The following SORBS2 variants were observed in gnomAD, a reference collection of about 807,000 sequenced individuals.
The protein encoded by SORBS2 is sorbin and SH3 domain-containing protein 2.
SORBS2 carries 46 observed loss-of-function variants against 97.7 expected under a neutral mutation model. The ratio of observed to expected loss-of-function variants is 0.47; its 90% CI spans 0.37 to 0.60. The LOEUF (loss-of-function observed/expected upper bound fraction) is 0.60, where lower values mean the gene tolerates loss of function less well. SORBS2 is among the 20% of genes least tolerant of loss of function. The probability of loss-of-function intolerance (pLI) is 0.00; values close to 1 mark genes in which losing one functional copy is unlikely to be tolerated. For synonymous variants in SORBS2, 476 were observed against 473.4 expected (o/e 1.01, Z -0.07); for missense variants, 1,316 against 1,282.3 (o/e 1.03, Z -0.40).
intron 1 of SORBS2, among the ~76,000 whole-genome samples, chr4:185,863,742 A>G (rs147507569): frequency 1.3e-5 from 2 of 152,330 alleles, no homozygotes; most frequent in East Asian, 1.9e-4. Context: ...TGTCACCTCC[A>G]AAGTGTGAAA....
intron 14 of SORBS2, among the ~76,000 whole-genome samples, chr4:185,588,816 T>C (rs1157568059): frequency 1.3e-5 from 2 of 152,148 alleles, no homozygotes; most frequent in Non-Finnish European, 2.9e-5. Flanking sequence ...GGTTTCACCA[T>C]GTTGACCAGG....
intron 12 of SORBS2, 144 bp from the exon 25 acceptor site, chr4:185,594,079 C>A: frequency 1.6e-6 from 1 of 614,548 alleles, no homozygotes; most frequent in South Asian, 2.1e-5. Context: ...CAAATAAAAG[C>A]TTTCTGCAGG....
At chr4:185,709,320 T>TTTATTTTTTTC in intron 2 of SORBS2, among the ~76,000 whole-genome samples, 1 of 141,042 alleles carries the variant, frequency 7.1e-6, no homozygotes, top group African/African-American at 2.6e-5. Context: ...TTTTTTTTTT[T>TTTATTTTTTTC]TTTTAGTAAA....
chr4:185,803,243 A>G (rs903073575), intron 1 of SORBS2, among the ~76,000 whole-genome samples: 10 of 152,202 alleles, frequency 6.6e-5, no homozygotes, highest in African/African-American at 1.7e-4. Flanking sequence ...TTAACAGAAC[A>G]TTCCCCAGGA....
rs1324551402 is a variant in SORBS2 at position 185,816,908 on chromosome 4, CT to C, written c.-337-41543del. Among the ~76,000 whole-genome samples, 6 of 152,296 alleles carry C rather than the reference CT, an allele frequency of 3.9e-5. No homozygotes were observed. In the East Asian group the frequency reaches 1.2e-3, roughly 29 times the overall value. On this transcript the variant is annotated intron_variant, in intron 1 of 20. Transcript: ENST00000284776. ...AGCCAAACCTATTAACACAAAAACA[CT>C]GTGTGTAGCCCATTAGTTGTTCCTA... is the stretch of plus-strand genomic sequence containing the variant.
chr4:185,789,705 A>G (rs2099071974), intron 1 of SORBS2, among the ~76,000 whole-genome samples: 1 of 152,078 alleles, frequency 6.6e-6, no homozygotes, highest in South Asian at 2.1e-4. Flanking sequence ...TTACAACAGA[A>G]TCATTCAAGA....
chr4:185,820,437 C>A (rs1034660853), intron 1 of SORBS2, among the ~76,000 whole-genome samples: 1 of 152,232 alleles, frequency 6.6e-6, no homozygotes, highest in African/African-American at 2.4e-5. Flanking sequence ...CCTCATTTAA[C>A]CTTTTCATAG....
chr4:185,688,634 T>C (rs567161232), intron 2 of SORBS2, among the ~76,000 whole-genome samples: 2 of 152,194 alleles, frequency 1.3e-5, no homozygotes, highest in African/African-American at 4.8e-5. Flanking sequence ...CATCTGTCTA[T>C]CTGTAGATAG....
At chr4:185,868,546 C>A (rs370887422) in intron 1 of SORBS2, among the ~76,000 whole-genome samples, 1 of 151,966 alleles carries the variant, frequency 6.6e-6, no homozygotes, top group Admixed American at 6.6e-5. Context: ...AGGGAAAAAA[C>A]GAAGACGACA....
intron 2 of SORBS2, among the ~76,000 whole-genome samples, chr4:185,759,077 C>G (rs1373338313): frequency 6.6e-6 from 1 of 152,194 alleles, no homozygotes; most frequent in African/African-American, 2.4e-5. Context: ...GCGCTCAGAA[C>G]AGTCCTTTGC....
intron 1 of SORBS2, chr4:185,811,079 A>G (rs1386575428): frequency 2.0e-5 from 3 of 152,140 alleles, no homozygotes; most frequent in African/African-American, 7.2e-5. Flanking sequence ...ACGGCTTCCA[A>G]TACCTACACT....
intron 1 of SORBS2, among the ~76,000 whole-genome samples, chr4:185,800,298 G>A (rs552166155): frequency 6.6e-6 from 1 of 152,254 alleles, no homozygotes; most frequent in African/African-American, 2.4e-5. Context: ...TCTCACCTGC[G>A]TCAGACTTTC....
chr4:185,687,806 G>A (rs2097998727), intron 2 of SORBS2, among the ~76,000 whole-genome samples: 1 of 152,192 alleles, frequency 6.6e-6, no homozygotes, highest in Non-Finnish European at 1.5e-5. Flanking sequence ...TGCTGGAACA[G>A]AATGATCTAT....
At chr4:185,885,129 C>T (rs1020720435) in intron 1 of SORBS2, among the ~76,000 whole-genome samples, 3 of 152,216 alleles carry the variant, frequency 2.0e-5, no homozygotes, top group African/African-American at 7.2e-5. Context: ...GTTACAGATA[C>T]TCATAAGCTC....
intron 1 of SORBS2, among the ~76,000 whole-genome samples, chr4:185,821,570 C>T (rs2099196822): frequency 6.6e-6 from 1 of 152,032 alleles, no homozygotes; most frequent in East Asian, 1.9e-4. Context: ...ATTACAGGTG[C>T]CCGCCACCAC....
At chr4:185,948,078 T>C (rs772071184) in intron 1 of SORBS2, among the ~76,000 whole-genome samples, 10 of 152,206 alleles carry the variant, frequency 6.6e-5, no homozygotes, top group Admixed American at 1.3e-4. Context: ...TCTAGGCTAC[T>C]CTGGCTCGTT....
At chr4:185,653,292 T>C (rs890925380) in intron 1 of SORBS2, among the ~76,000 whole-genome samples, 4 of 152,338 alleles carry the variant, frequency 2.6e-5, no homozygotes, top group East Asian at 1.9e-4. Context: ...AATGTAGATA[T>C]TGCTTCAAAA....
chr4:185,774,563 C>T (rs1404885413), intron 2 of SORBS2: 3 of 152,168 alleles, frequency 2.0e-5, no homozygotes, highest in Non-Finnish European at 4.4e-5. Context: ...GCCACAGAAA[C>T]TGACCCGAAG....
intron 2 of SORBS2, among the ~76,000 whole-genome samples, chr4:185,744,692 T>C (rs771710727): frequency 6.6e-6 from 1 of 152,218 alleles, no homozygotes; most frequent in Non-Finnish European, 1.5e-5. Context: ...TTTGATGAAC[T>C]GACAATGTCC....
Sources: allele counts gnomAD v4.1 joint callset (sites outside exome capture counted in the v4.1 genomes callset), GRCh38; gene constraint gnomAD v4.1.1; transcripts MANE v1.5; gene names NCBI Gene and HGNC (gene_info 2026-07-23, HGNC 2026-07-21).